Variants in CWF19L1 observed in about 807,000 individuals in gnomAD.
CWF19L1 encodes CWF19 like cell cycle control factor 1, also known as CWF19-like protein 1.
A neutral mutation model predicts 69.7 loss-of-function variants in CWF19L1; 60 were observed. That is an observed-to-expected ratio of 0.86 (90% CI 0.70 to 1.07). The LOEUF (loss-of-function observed/expected upper bound fraction) is 1.07, where lower values mean the gene tolerates loss of function less well. CWF19L1 is among the 50% of genes least tolerant of loss of function. CWF19L1 has a pLI of 0.00. For missense variants in CWF19L1, 591 were observed against 638.9 expected (o/e 0.92, Z 0.81); for synonymous variants, 209 against 222.2 (o/e 0.94, Z 0.53).
At chr10:100,243,811 TCCAAGCACTACAGCATATAATCACC>T in intron 9 of CWF19L1, 34 bp from the exon 10 acceptor site, 1 of 1,542,500 alleles carries the variant, frequency 6.5e-7, no homozygotes, top group Non-Finnish European at 9.0e-7. Context: ...GTTACTATGG[TCCAAGCACTACAGCATATAATCACC>T]CCACAGAACT....
Position 100,233,333 on chromosome 10 carries a change from T to A in CWF19L1, c.1511A>T (p.Asp504Val), listed in dbSNP as rs117713471. 1,680 of 1,613,882 alleles carry A rather than the reference T, an allele frequency of 1.0e-3. 17 individuals carry two copies. In the East Asian group the frequency reaches 0.027, roughly 26 times the overall value. The change falls in exon 14 of 14, where the codon GAT becomes GTT. Residue 504 changes from aspartate (D) to valine (V), a missense_variant. Asp to Val is a radical substitution (Grantham distance 152). Transcript: ENST00000354105. ...LASEAILNVP[D>V]KSDWRQCQIS... is the part of the protein sequence containing the mutation. The stretch of plus-strand genomic sequence containing the variant: ...CTGACACTGCCTCCAGTCAGACTTA[T>A]CAGGAACATTAAGGATGGCTTCACT...
At chr10:100,248,899 G>A in intron 7 of CWF19L1, 1 of 947,566 alleles carries the variant, frequency 1.1e-6, no homozygotes, top group Non-Finnish European at 1.7e-6. Flanking sequence ...CATCTCTGCT[G>A]AGGGCGATTC....
chr10:100,246,893 C>T lies in CWF19L1; in HGVS notation c.751G>A (p.Ala251Thr), dbSNP rs1265539321. 8.1e-6 allele frequency: 13 copies of T among 1,613,784 alleles called. No individual in the cohort carries two copies. The highest frequency in any genetic ancestry group is 1.3e-5 in the African/African-American group (1 of 75,032). Residue 251 changes from alanine (A) to threonine (T), a missense_variant, in exon 8 of 14, where the codon GCA (alanine) becomes ACA (threonine). Physicochemically the swap from Ala to Thr is moderately conservative, Grantham distance 58 (BLOSUM62 0). Transcript: ENST00000354105. ...GGAGGCTGTTTTACCAGTTCTGCTG[C>T]ATCCATTAGCTTCATGGGAACAATA... ...FSIVPMKLMD[A>T]AELVKQPPDV... is the part of the protein sequence containing the mutation.
intron 10 of CWF19L1, 77 bp from the exon 11 acceptor site, chr10:100,238,308 G>C: frequency 7.3e-7 from 1 of 1,378,286 alleles, no homozygotes; most frequent in African/African-American, 1.4e-5. Flanking sequence ...TATACAAAAA[G>C]TGAGCCTGAG....
intron 8 of CWF19L1, chr10:100,246,150 A>G (rs1224742165): frequency 2.3e-6 from 1 of 436,264 alleles, no homozygotes; most frequent in African/African-American, 2.0e-5. Context: ...AACGAGTTAA[A>G]ATGCAAGTTA....
intron 1 of CWF19L1, among the ~76,000 whole-genome samples, chr10:100,264,677 G>A (rs111910155): frequency 3.3e-5 from 5 of 152,042 alleles, no homozygotes; most frequent in African/African-American, 1.2e-4. Flanking sequence ...ATTCCAGAGG[G>A]CACTGTTATC....
intron 7 of CWF19L1, chr10:100,248,365 G>C (rs941516327): frequency 4.6e-6 from 4 of 874,942 alleles, no homozygotes; most frequent in African/African-American, 3.3e-5. Context: ...GCTGAGCAAA[G>C]AGCTGTCATC....
chr10:100,246,743 A>G (rs376280670), intron 8 of CWF19L1, 52 bp downstream of exon 8: 30 of 1,545,128 alleles, frequency 1.9e-5, no homozygotes, highest in Non-Finnish European at 2.6e-5. Flanking sequence ...GTACTAAACT[A>G]TAACTAGGAA....
Position 100,236,921 on chromosome 10 carries a change from C to A in CWF19L1, c.1303G>T (p.Ala435Ser), listed in dbSNP as rs755741701. The A allele has an allele frequency of 6.2e-7, 1 of 1,611,784 alleles. No homozygotes were observed. Among genetic ancestry groups the A allele is most frequent in the Non-Finnish European group, 8.5e-7 (1 of 1,178,906 alleles). ...TGCTCCTGTGCCTGGGTAATGAAGG[C>A]ATCTTTAATGTCATCAGTAGTAGAG... ...SCSTTDDIKDAFITQAQEQQI... is the reference protein window; with the variant it reads ...SCSTTDDIKDSFITQAQEQQI... The change falls in exon 12 of 14, where the codon GCC (alanine) becomes TCC (serine). Residue 435 changes from alanine (A) to serine (S), a missense_variant. Ala to Ser is a moderately conservative substitution (Grantham distance 99). Coordinates refer to ENST00000354105, the MANE Select transcript of CWF19L1 (RefSeq NM_018294.6).
Position 100,236,978 on chromosome 10 carries a change from TG to T in CWF19L1, c.1255-10del, listed in dbSNP as rs961252654. The T allele has an allele frequency of 4.5e-6, 7 of 1,564,744 alleles. No homozygotes were observed. The highest frequency in any genetic ancestry group is 6.1e-6 in the Non-Finnish European group (7 of 1,156,414). On this transcript the variant is annotated splice_polypyrimidine_tract_variant and intron_variant, in intron 11 of 13. Transcript: ENST00000354105. The stretch of plus-strand genomic sequence containing the variant: ...ATTGGGACAGGAATGACCTGGGGGT[TG>T]GGGAGACAGGAGAAATTCCTTGTGC...
chr10:100,261,715 G>A (rs1473287745), intron 2 of CWF19L1, among the ~76,000 whole-genome samples: 3 of 152,128 alleles, frequency 2.0e-5, no homozygotes, highest in Admixed American at 1.3e-4. Context: ...AATCACTTAG[G>A]GAAGTGTTGC....
At position 100,245,923 on chromosome 10, in the gene CWF19L1, C is replaced by T. The variant is rs770856072; in HGVS notation, c.850-10G>A. ...GACAGGCTGATTCTTCCTGGAATGG[C>T]CAAAAGCAGAAGATTAAATGTTATT... On this transcript the variant is annotated splice_polypyrimidine_tract_variant and intron_variant, in intron 8 of 13. Coordinates refer to ENST00000354105, the MANE Select transcript of CWF19L1 (RefSeq NM_018294.6). The T allele has an allele frequency of 3.2e-5, 51 of 1,593,530 alleles. No homozygotes were observed. The highest frequency in any genetic ancestry group is 4.0e-5 in the Non-Finnish European group (46 of 1,161,576).
chr10:100,245,724 A>G, intron 9 of CWF19L1, 75 bp downstream of exon 9: 2 of 1,067,882 alleles, frequency 1.9e-6, no homozygotes, highest in Admixed American at 3.7e-5. Context: ...CTCTCTTAGC[A>G]ATGCTGCTTT....
intron 2 of CWF19L1, 30 bp downstream of exon 2, chr10:100,261,949 A>C: frequency 6.4e-7 from 1 of 1,571,096 alleles, no homozygotes; most frequent in Non-Finnish European, 8.6e-7. Context: ...ACAAAGGTAA[A>C]ATTAAATTCA....
rs1357215200 is a variant in CWF19L1, at chr10:100,233,201, G to A, written c.*26C>T. ...AAAAAGCTTTACTACTTCCTGTGGA[G>A]TTCATAAAAAGTTCTTCCCTTTGTT... On this transcript the variant is annotated 3_prime_UTR_variant, in exon 14 of 14. Transcript: ENST00000354105. 6.4e-7 allele frequency: 1 copy of A among 1,573,646 alleles called. No homozygotes were observed. The highest frequency in any genetic ancestry group is 1.9e-5 in the Admixed American group (1 of 52,494).
rs1270531474 is a variant in CWF19L1, at chr10:100,238,131, A to G, written c.1145T>C (p.Val382Ala). Residue 382 changes from valine to alanine, a missense_variant, in exon 11 of 14, where the codon GTA becomes GCA. Physicochemically the swap from Val to Ala is moderately conservative, Grantham distance 64. Around this residue, in one of 3 missense-constraint regions of CWF19L1, gnomAD observed 458 missense variants for 489.3 expected, o/e 0.94. Transcript: ENST00000354105. ...GGCCTTATACTTCTCCACCTCTTCT[A>G]CCACCTCTGCTGAAAGCTCCACCAC... Reference protein sequence around the residue: ...QSVVELSAEVVEEVEKYKATL... With the variant: ...QSVVELSAEVAEEVEKYKATL... 2 of 1,613,972 alleles carry G rather than the reference A, an allele frequency of 1.2e-6. No individual in the cohort carries two copies. Among genetic ancestry groups the G allele is most frequent in the East Asian group, 2.2e-5 (1 of 44,892 alleles).
intron 1 of CWF19L1, among the ~76,000 whole-genome samples, chr10:100,266,250 G>A (rs1165727931): frequency 6.7e-6 from 1 of 149,038 alleles, no homozygotes; most frequent in Non-Finnish European, 1.5e-5. Flanking sequence ...GAGATCAGCA[G>A]CACGATCACA....
In CWF19L1 at chr10:100,238,068, C is replaced by A; in HGVS notation, c.1208G>T (p.Cys403Phe). Residue 403 changes from cysteine (C) to phenylalanine (F), a missense_variant, in exon 11 of 14, where the codon TGT becomes TTT. Coordinates refer to ENST00000354105, the MANE Select transcript of CWF19L1 (RefSeq NM_018294.6). Reference sequence around the variant, plus strand: ...CTTATAATTTCTCTCAAATACAACACACCATTTCCCTCGACTCTTAAAGAA... The same window carrying A: ...CTTATAATTTCTCTCAAATACAACAAACCATTTCCCTCGACTCTTAAAGAA... Reference protein sequence around the residue: ...RRFFKSRGKWCVVFERNYKSH... With the variant: ...RRFFKSRGKWFVVFERNYKSH... 6.2e-7 allele frequency: 1 copy of A among 1,614,190 alleles called. No homozygotes were observed. The highest frequency in any genetic ancestry group is 8.5e-7 in the Non-Finnish European group (1 of 1,180,036).
rs1330625834 is a variant in CWF19L1, at chr10:100,256,294, G to A, written c.472C>T (p.Pro158Ser). Residue 158 changes from proline (P) to serine (S), a missense_variant, in exon 5 of 14, where the codon CCC (proline) becomes TCC (serine). Coordinates refer to ENST00000354105, the MANE Select transcript of CWF19L1 (RefSeq NM_018294.6). Reference sequence around the variant, plus strand: ...TTCCCAAAGTTCCCCACACACTTGGGCCATGGGGATGTGAGCAAGATATCA... The same window carrying A: ...TTCCCAAAGTTCCCCACACACTTGGACCATGGGGATGTGAGCAAGATATCA... Reference protein sequence around the residue: ...GVDILLTSPWPKCVGNFGNSS... With the variant: ...GVDILLTSPWSKCVGNFGNSS... 8 of 1,613,888 alleles carry A rather than the reference G, an allele frequency of 5.0e-6. No individual in the cohort carries two copies. Among genetic ancestry groups the A allele is most frequent in the Non-Finnish European group, 4.2e-6 (5 of 1,179,914 alleles).
Sources: allele counts gnomAD v4.1 joint callset (sites outside exome capture counted in the v4.1 genomes callset), GRCh38; gene constraint gnomAD v4.1.1; regional missense constraint gnomAD v4.1.1; transcripts MANE v1.5; gene names NCBI Gene and HGNC (gene_info 2026-07-23, HGNC 2026-07-21).